SESTD1: variants seen among roughly 807,000 people sequenced by gnomAD.
The protein encoded by SESTD1 is SEC14 domain and spectrin repeat-containing protein 1.
SESTD1 carries 43 observed loss-of-function variants against 101.7 expected under a neutral mutation model. The ratio of observed to expected loss-of-function variants is 0.42; its 90% confidence interval spans 0.33 to 0.55. SESTD1 has a LOEUF of 0.55. Among genes scored for constraint, SESTD1 ranks in the 20% least tolerant of loss-of-function variants. The probability of loss-of-function intolerance (pLI) is 0.07; values close to 1 mark genes in which losing one functional copy is unlikely to be tolerated. For missense variants in SESTD1, 647 were observed against 815.1 expected, an observed-to-expected ratio of 0.79 and a Z score of 2.51; for synonymous variants, 283 against 286.8, an observed-to-expected ratio of 0.99 and a Z score of 0.13.
At chr2:179,120,146 T>C (rs911616797) in intron 13 of SESTD1, among the ~76,000 whole-genome samples, 1 of 151,962 alleles carries the variant, frequency 6.6e-6, no homozygotes, top group Non-Finnish European at 1.5e-5. Flanking sequence ...GAAGAATCGC[T>C]TGAACCCAGG....
At position 179,105,196 on chromosome 2, in the gene SESTD1, C is replaced by A. The variant is rs1046952086; in HGVS notation, c.*4703G>T. The A allele has an allele frequency of 6.8e-6, 1 of 146,958 alleles. No homozygotes were observed. Among genetic ancestry groups the A allele is most frequent in the African/African-American group, 2.5e-5 (1 of 40,016 alleles). The allele number at this position is 146,958 out of a possible 1,614,324, so 9.1% of individuals were successfully genotyped here. ...TGTTCTGTTTTTTTTTTTTTTTTAACCTCATTATTGGGATACTTAAATAAC... is the reference window on the plus strand; with the variant it reads ...TGTTCTGTTTTTTTTTTTTTTTTAAACTCATTATTGGGATACTTAAATAAC... On this transcript the variant is annotated 3_prime_UTR_variant, in exon 18 of 18. Transcript: ENST00000428443.
intron 6 of SESTD1, 62 bp downstream of exon 6, chr2:179,151,216 A>C (rs2045522844): frequency 8.7e-7 from 1 of 1,147,238 alleles, no homozygotes; most frequent in Non-Finnish European, 1.2e-6. Context: ...TAAAATGATA[A>C]AGTTATCAAA....
chr2:179,174,943 A>T (rs1425657192), intron 4 of SESTD1, among the ~76,000 whole-genome samples: 4 of 18,296 alleles, frequency 2.2e-4, no homozygotes, highest in African/African-American at 3.0e-4. Flanking sequence ...TCCCTGATAT[A>T]AAAAAAAAAA....
intron 1 of SESTD1, 76 bp from the exon 2 acceptor site, chr2:179,191,942 C>A (rs1574022456): frequency 3.9e-6 from 4 of 1,017,960 alleles, no homozygotes; most frequent in South Asian, 1.4e-5. Flanking sequence ...GATGGTTTAT[C>A]CCAGAGTTTC....
intron 1 of SESTD1, among the ~76,000 whole-genome samples, chr2:179,194,701 T>C (rs2046365046): frequency 6.6e-6 from 1 of 152,172 alleles, no homozygotes; most frequent in Non-Finnish European, 1.5e-5. Flanking sequence ...ATCACTTGCC[T>C]GATTCAGAGC....
chr2:179,181,750 T>C (rs75412200), intron 3 of SESTD1, among the ~76,000 whole-genome samples: 8,453 of 152,234 alleles, frequency 0.056, 322 homozygotes, highest in South Asian at 0.14. Context: ...AATCCATCTA[T>C]GAATATTTTT....
At chr2:179,200,862 G>A (rs1371036038) in intron 1 of SESTD1, among the ~76,000 whole-genome samples, 9 of 134,046 alleles carry the variant, frequency 6.7e-5, no homozygotes, top group Admixed American at 6.5e-4. Flanking sequence ...ATAGGCATGG[G>A]CAAGGACTTC....
intron 1 of SESTD1, among the ~76,000 whole-genome samples, chr2:179,230,752 C>A (rs771570214): frequency 3.3e-5 from 5 of 151,576 alleles, no homozygotes; most frequent in Non-Finnish European, 5.9e-5. Flanking sequence ...AATATTAGAA[C>A]AGAATTAATA....
At chr2:179,198,259 C>G (rs1411196083) in intron 1 of SESTD1, among the ~76,000 whole-genome samples, 1 of 152,074 alleles carries the variant, frequency 6.6e-6, no homozygotes, top group East Asian at 1.9e-4. Context: ...GAGCTAAGTT[C>G]CTAAATATAT....
intron 9 of SESTD1, among the ~76,000 whole-genome samples, chr2:179,139,623 G>A (rs1481061460): frequency 6.6e-6 from 1 of 152,014 alleles, no homozygotes; most frequent in Non-Finnish European, 1.5e-5. Context: ...TTCACTTTGA[G>A]ACATTCCTTC....
intron 5 of SESTD1, among the ~76,000 whole-genome samples, chr2:179,159,620 C>T (rs2045695901): frequency 6.6e-6 from 1 of 152,138 alleles, no homozygotes; most frequent in Admixed American, 6.5e-5. Context: ...GATTAGGAAT[C>T]CCAGACTAGG....
intron 1 of SESTD1, among the ~76,000 whole-genome samples, chr2:179,240,061 T>C (rs370035912): frequency 1.2e-4 from 18 of 152,212 alleles, no homozygotes; most frequent in Non-Finnish European, 2.1e-4. Context: ...AGATGAACGA[T>C]TGGTGCATTT....
At chr2:179,123,966 A>G (rs996615990) in intron 11 of SESTD1, 137 bp from the exon 12 acceptor site, 2 of 624,252 alleles carry the variant, frequency 3.2e-6, no homozygotes, top group African/African-American at 3.7e-5. Context: ...ACAAGGACGA[A>G]TCATTAGAAT....
At chr2:179,165,867 G>C (rs1014317496) in intron 5 of SESTD1, among the ~76,000 whole-genome samples, 5 of 152,274 alleles carry the variant, frequency 3.3e-5, no homozygotes, top group Admixed American at 3.3e-4. Context: ...TTAGGATGTA[G>C]AAAGTTGGAA....
rs1172668555 is a variant in SESTD1 at position 179,105,728 on chromosome 2, A to C, written c.*4171T>G. 1 of 152,200 alleles carries C rather than the reference A, an allele frequency of 6.6e-6. No homozygotes were observed. The highest frequency in any genetic ancestry group is 1.5e-5 in the Non-Finnish European group (1 of 68,014). 9.4% of individuals were successfully genotyped at this position (152,200 alleles called of 1,614,324 possible). A position where few individuals can be genotyped will look rare whatever the true frequency, so the allele number is the denominator to read the frequency against. On this transcript the variant is annotated 3_prime_UTR_variant, in exon 18 of 18. Transcript: ENST00000428443. Reference sequence around the variant, plus strand: ...TCAACAATTCTTTATATCATATTTTATTCTTGAAATTGGTATGACTTCTCT... The same window carrying C: ...TCAACAATTCTTTATATCATATTTTCTTCTTGAAATTGGTATGACTTCTCT...
intron 2 of SESTD1, among the ~76,000 whole-genome samples, chr2:179,183,820 A>G (rs1013590045): frequency 6.6e-6 from 1 of 150,502 alleles, no homozygotes; most frequent in Admixed American, 6.6e-5. Context: ...GGAAAGAAAG[A>G]AAAGAAAAGA....
At chr2:179,188,655 T>TG (rs1397496158) in intron 2 of SESTD1, among the ~76,000 whole-genome samples, 1 of 151,184 alleles carries the variant, frequency 6.6e-6, no homozygotes, top group Non-Finnish European at 1.5e-5. Flanking sequence ...AAAAAAGGGG[T>TG]GGGGGGCTGA....
intron 1 of SESTD1, among the ~76,000 whole-genome samples, chr2:179,231,266 A>T (rs188793534): frequency 1.4e-4 from 21 of 152,234 alleles, no homozygotes; most frequent in African/African-American, 5.1e-4. Context: ...TAAGAGCAAA[A>T]CGAAGTTGCA....
chr2:179,175,018 G>A (rs2105477631), intron 4 of SESTD1, among the ~76,000 whole-genome samples: 1 of 151,802 alleles, frequency 6.6e-6, no homozygotes, highest in South Asian at 2.1e-4. Context: ...AGAAGAATGA[G>A]GCAATGGGTA....
Sources: gnomAD v4.1 joint callset for allele counts (sites outside exome capture counted in the v4.1 genomes callset) on GRCh38, gnomAD v4.1.1 for gene constraint, MANE v1.5 for transcripts, NCBI Gene and HGNC (gene_info 2026-07-23, HGNC 2026-07-21) for gene names.